The following ROCK2 variants were observed in gnomAD, a reference collection of about 807,000 sequenced individuals.
The protein encoded by ROCK2 is Rho associated coiled-coil containing protein kinase 2.
ROCK2 carries 61 observed loss-of-function variants against 195.1 expected under a neutral mutation model. The observed-to-expected ratio is 0.31, with a 90% CI of 0.25 to 0.39. The LOEUF is 0.39. Among genes scored for constraint, ROCK2 ranks in the 10% least tolerant of loss-of-function variants. ROCK2 has a pLI of 1.00. For missense variants in ROCK2, 1,109 were observed against 1,637.4 expected (o/e 0.68, Z 5.57); for synonymous variants, 504 against 545.5 (o/e 0.92, Z 1.06).
chr2:11,312,205 T>C (rs747858624), intron 1 of ROCK2, among the ~76,000 whole-genome samples: 45 of 152,308 alleles, frequency 3.0e-4, no homozygotes, highest in Non-Finnish European at 6.5e-4. Context: ...TATTTTAAAA[T>C]TTTCTCAGTT....
chr2:11,224,470 CAAGA>C lies in ROCK2; in HGVS notation c.869-14_869-11del. ...TAAAATGGAGTATCCCCTAAAATTT[CAAGA>C]AAGAAGATACTGAATGTAACAGAGA... is the stretch of plus-strand genomic sequence containing the variant. On this transcript the variant is annotated splice_polypyrimidine_tract_variant and intron_variant, in intron 6 of 32. Transcript: ENST00000315872. 6.2e-7 allele frequency: 1 copy of C among 1,609,170 alleles called. No individual in the cohort carries two copies. The highest frequency in any genetic ancestry group is 1.7e-5 in the Admixed American group (1 of 59,272).
chr2:11,287,866 A>G (rs116690879), intron 1 of ROCK2, 130 bp from the exon 2 acceptor site: 601 of 381,712 alleles, frequency 1.6e-3, no homozygotes, highest in Middle Eastern at 3.8e-3. Flanking sequence ...GATAGTGTCC[A>G]TAAGTTCCAT....
At position 11,224,376 on chromosome 2, in the gene ROCK2, T is replaced by A; in HGVS notation, c.953A>T (p.Asp318Val). 1 of 1,613,486 alleles carries A rather than the reference T, an allele frequency of 6.2e-7. No individual in the cohort carries two copies. The highest frequency in any genetic ancestry group is 8.5e-7 in the Non-Finnish European group (1 of 1,179,554). ...DHKNSLCFPE[D>V]AEISKHAKNL... ...CTTTGCATGTTTGGAAATTTCTGCA[T>A]CTTCAGGGAAACACAGTGAATTCTT... The change falls in exon 7 of 33, where the codon GAT becomes GTT. Residue 318 changes from aspartate (D) to valine (V), a missense_variant. Physicochemically the swap from Asp to Val is radical, Grantham distance 152 (BLOSUM62 -3). Coordinates refer to ENST00000315872, the MANE Select transcript of ROCK2 (RefSeq NM_004850.5).
rs1421041478 is a variant in ROCK2, at chr2:11,192,945, A to G, written c.3688-233T>C. On this transcript the variant is annotated intron_variant, in intron 30 of 32. Transcript: ENST00000315872. The surrounding 1 kb of genome is among the most constrained non-coding windows in gnomAD (Gnocchi z 5.0). Reference sequence around the variant, plus strand: ...ATTTCAAAAGAACTGATCCTGTTCAAATGCTGCCTCCTTATTTTCTTTATA... The same window carrying G: ...ATTTCAAAAGAACTGATCCTGTTCAGATGCTGCCTCCTTATTTTCTTTATA... 2.6e-5 allele frequency among the ~76,000 whole-genome samples: 4 copies of G among 152,356 alleles called. No homozygotes were observed. The East Asian group carries it at 5.8e-4, about 22-fold the overall frequency.
At chr2:11,269,436 G>A (rs992296261) in intron 3 of ROCK2, among the ~76,000 whole-genome samples, 10 of 151,866 alleles carry the variant, frequency 6.6e-5, no homozygotes, top group South Asian at 2.1e-4. Context: ...CTCTTGAACC[G>A]GGAGGTGGAG....
intron 1 of ROCK2, among the ~76,000 whole-genome samples, chr2:11,307,620 T>A (rs1165771522): frequency 6.6e-6 from 1 of 152,098 alleles, no homozygotes; most frequent in Non-Finnish European, 1.5e-5. Context: ...CCAGAAAACA[T>A]TATCTTAAAG....
rs1669226789 is a variant in ROCK2, at chr2:11,344,569, C to T, written c.-433G>A. On this transcript the variant is annotated 5_prime_UTR_variant, in exon 1 of 33. Transcript: ENST00000315872. This position sits in a 1 kb window ranked among gnomAD's most constrained non-coding sequence, Gnocchi z 5.4. ...GCCGCCGCCGGCCCGCTGCCATGGT[C>T]GCCGCCGGCCGCCTTGCAGTCCCTC... is the stretch of plus-strand genomic sequence containing the variant. The T allele has an allele frequency of 2.3e-6, 2 of 869,858 alleles. No individual in the cohort carries two copies. Among genetic ancestry groups the T allele is most frequent in the Non-Finnish European group, 2.8e-6 (2 of 726,332 alleles). The allele number at this position is 869,858 out of a possible 1,614,324, so 53.9% of individuals were successfully genotyped here. A position where few individuals can be genotyped will look rare whatever the true frequency, so the allele number is the denominator to read the frequency against.
chr2:11,257,199 G>A (rs1188143394), intron 3 of ROCK2, among the ~76,000 whole-genome samples: 3 of 151,498 alleles, frequency 2.0e-5, no homozygotes, highest in African/African-American at 4.9e-5. Flanking sequence ...GCTGGGCAGC[G>A]AGAGCCTCAT....
intron 1 of ROCK2, chr2:11,308,848 C>A (rs926246985): frequency 1.2e-6 from 2 of 1,611,640 alleles, no homozygotes; most frequent in Non-Finnish European, 1.7e-6. Context: ...TAGAACTATA[C>A]AAGAAACCCA....
chr2:11,224,911 GAATTA>G (rs1454198464), intron 6 of ROCK2, among the ~76,000 whole-genome samples: 1 of 151,930 alleles, frequency 6.6e-6, no homozygotes, highest in Non-Finnish European at 1.5e-5. Context: ...AAGTTAAAAT[GAATTA>G]AATAAAATGA....
chr2:11,218,713 AT>A (rs1664517456), intron 10 of ROCK2, among the ~76,000 whole-genome samples: 1 of 152,222 alleles, frequency 6.6e-6, no homozygotes, highest in Admixed American at 6.5e-5. Context: ...TTACAAACTT[AT>A]TCTATCACTT....
chr2:11,261,355 T>A (rs1423901977), intron 3 of ROCK2, among the ~76,000 whole-genome samples: 1 of 152,246 alleles, frequency 6.6e-6, no homozygotes, highest in African/African-American at 2.4e-5. Context: ...CCACTGATTA[T>A]CCTTTGAGGA....
chr2:11,296,015 A>AGAGGGGG (rs1667521243), intron 1 of ROCK2, among the ~76,000 whole-genome samples: 1 of 80,024 alleles, frequency 1.2e-5, no homozygotes, highest in African/African-American at 4.2e-5. Context: ...GGAGAGAGAG[A>AGAGGGGG]GAGAGAGAGA....
chr2:11,268,313 A>C (rs1036598650), intron 3 of ROCK2, among the ~76,000 whole-genome samples: 1 of 152,228 alleles, frequency 6.6e-6, no homozygotes, highest in Admixed American at 6.5e-5. Flanking sequence ...ACACCTTTAC[A>C]GATTTTATAT....
rs762959279 is a variant in ROCK2, at chr2:11,201,441, G to GT, written c.2620-29dup. The GT allele has an allele frequency of 2.4e-5, 27 of 1,144,770 alleles. No homozygotes were observed. In the South Asian group the frequency reaches 3.2e-4, roughly 14 times the overall value. The allele number at this position is 1,144,770 out of a possible 1,614,324, so 70.9% of individuals were successfully genotyped here. A position where few individuals can be genotyped will look rare whatever the true frequency, so the allele number is the denominator to read the frequency against. On this transcript the variant is annotated intron_variant, in intron 21 of 32. Transcript: ENST00000315872. This position sits in a 1 kb window ranked among gnomAD's most constrained non-coding sequence, Gnocchi z 4.6. ...AAATAGCAAAATACAACAGAAATGCGTATCATCATCAGAAATATTACTTCT... is the reference window on the plus strand; with the variant it reads ...AAATAGCAAAATACAACAGAAATGCGTTATCATCATCAGAAATATTACTTCT...
At position 11,201,899 on chromosome 2, in the gene ROCK2, A is replaced by G. The variant is rs902131558; in HGVS notation, c.2619+153T>C. ...GCTTCACCAGGTATGTTTTGTGCTTAGAATTATTTTTCTAGCAATGATAAT... is the reference window on the plus strand; with the variant it reads ...GCTTCACCAGGTATGTTTTGTGCTTGGAATTATTTTTCTAGCAATGATAAT... On this transcript the variant is annotated intron_variant, in intron 21 of 32. Coordinates refer to ENST00000315872, the MANE Select transcript of ROCK2 (RefSeq NM_004850.5). This position sits in a 1 kb window ranked among gnomAD's most constrained non-coding sequence, Gnocchi z 4.6. 5.9e-5 allele frequency among the ~76,000 whole-genome samples: 9 copies of G among 152,226 alleles called. No individual in the cohort carries two copies. Among genetic ancestry groups the G allele is most frequent in the Non-Finnish European group, 1.2e-4 (8 of 68,026 alleles).
intron 1 of ROCK2, among the ~76,000 whole-genome samples, chr2:11,288,746 G>A (rs1434057490): frequency 6.7e-6 from 1 of 148,468 alleles, no homozygotes; most frequent in African/African-American, 2.4e-5. Flanking sequence ...TGGATAGGGG[G>A]AAAACATGGG....
At chr2:11,300,287 A>G (rs891414133) in intron 1 of ROCK2, among the ~76,000 whole-genome samples, 1 of 152,080 alleles carries the variant, frequency 6.6e-6, no homozygotes, top group Non-Finnish European at 1.5e-5. Flanking sequence ...TCTGAGACGG[A>G]GTTTCGCTCT....
At position 11,344,218 on chromosome 2, in the gene ROCK2, A is replaced by G; in HGVS notation, c.-82T>C. ...GGCCTAGCACCGCCCCCGAACCACCAGCTCCGGCCGGGACTCCACCCGGGC... is the reference window on the plus strand; with the variant it reads ...GGCCTAGCACCGCCCCCGAACCACCGGCTCCGGCCGGGACTCCACCCGGGC... On this transcript the variant is annotated 5_prime_UTR_variant, in exon 1 of 33. Transcript: ENST00000315872. This position sits in a 1 kb window ranked among gnomAD's most constrained non-coding sequence, Gnocchi z 5.4. 3 of 1,326,858 alleles carry G rather than the reference A, an allele frequency of 2.3e-6. No homozygotes were observed. The highest frequency in any genetic ancestry group is 2.9e-6 in the Non-Finnish European group (3 of 1,042,200). The allele number at this position is 1,326,858 out of a possible 1,614,324, so 82.2% of individuals were successfully genotyped here. A position where few individuals can be genotyped will look rare whatever the true frequency, so the allele number is the denominator to read the frequency against.
Sources: allele counts gnomAD v4.1 joint callset (sites outside exome capture counted in the v4.1 genomes callset), GRCh38; gene constraint gnomAD v4.1.1; non-coding constraint Gnocchi (gnomAD v3.1); transcripts MANE v1.5; gene names NCBI Gene and HGNC (gene_info 2026-07-23, HGNC 2026-07-21).